HEATR4: variants seen among roughly 807,000 people sequenced by gnomAD.
HEATR4 encodes the protein HEAT repeat containing 4, also known as HEAT repeat-containing protein 4.
HEATR4 carries 95 observed loss-of-function variants against 108.8 expected under a neutral mutation model. The ratio of observed to expected loss-of-function variants is 0.87; its 90% CI spans 0.74 to 1.04. The LOEUF is 1.04. HEATR4 is among the 50% of genes least tolerant of loss of function. The pLI, the probability that HEATR4 is intolerant of heterozygous loss-of-function variation, is 0.00. For missense variants in HEATR4, 1,152 were observed against 1,253.8 expected (o/e 0.92, Z 1.23); for synonymous variants, 443 against 459.4 (o/e 0.96, Z 0.46).
At chr14:73,500,045 C>T (rs1187871298) in intron 12 of HEATR4, among the ~76,000 whole-genome samples, 17 of 152,142 alleles carry the variant, frequency 1.1e-4, no homozygotes, top group African/African-American at 3.4e-4. Flanking sequence ...CTGGCTAACA[C>T]GGTGAAACCC....
intron 6 of HEATR4, among the ~76,000 whole-genome samples, chr14:73,513,023 A>G (rs1270264479): frequency 6.6e-6 from 1 of 152,212 alleles, no homozygotes; most frequent in Non-Finnish European, 1.5e-5. Context: ...CAAAGTAGGT[A>G]TAGGATAGCC....
the HEATR4 span, among the ~76,000 whole-genome samples, chr14:73,613,432 A>G: frequency 3.3e-5 from 5 of 152,320 alleles, no homozygotes; most frequent in African/African-American, 9.6e-5. Context: ...CCTTAAGCTG[A>G]TGTGCAAGAA....
Position 73,478,515 on chromosome 14 carries a change from G to C in HEATR4, c.*91C>G, listed in dbSNP as rs559731621. On this transcript the variant is annotated 3_prime_UTR_variant, in exon 18 of 18. Coordinates refer to ENST00000553558, the MANE Select transcript of HEATR4 (RefSeq NM_001220484.1). The stretch of plus-strand genomic sequence containing the variant: ...TAAATAATTTCTCTTTATAAACATA[G>C]TGACAACAAGATTGTACAGTATCAA... 286 of 807,920 alleles carry C rather than the reference G, an allele frequency of 3.5e-4. 1 individual carries two copies. The African/African-American group carries it at 4.3e-3, about 12-fold the overall frequency. The allele number at this position is 807,920 out of a possible 1,614,324, so 50.0% of individuals were successfully genotyped here.
the HEATR4 span, among the ~76,000 whole-genome samples, chr14:73,612,200 C>G: frequency 6.6e-6 from 1 of 152,108 alleles, no homozygotes; most frequent in Admixed American, 6.6e-5. Flanking sequence ...CGCCACCACA[C>G]CTGGCTATTT....
upstream of HEATR4, among the ~76,000 whole-genome samples, chr14:73,561,637 T>C (rs1200062814): frequency 2.0e-5 from 3 of 150,428 alleles, no homozygotes; most frequent in East Asian, 3.9e-4. Context: ...CCAAGCAAGA[T>C]TGCACCACTC....
chr14:73,490,704 C>T (rs1361950523), intron 17 of HEATR4, among the ~76,000 whole-genome samples: 1 of 152,224 alleles, frequency 6.6e-6, no homozygotes, highest in African/African-American at 2.4e-5. Context: ...ATCCACACAC[C>T]TCGGCCTCCG....
At chr14:73,601,261 T>C in the HEATR4 span, among the ~76,000 whole-genome samples, 1 of 151,988 alleles carries the variant, frequency 6.6e-6, no homozygotes, top group East Asian at 2.0e-4. Flanking sequence ...AAACCAAACA[T>C]TGGTTATAAA....
chr14:73,620,589 C>T, the HEATR4 span, among the ~76,000 whole-genome samples: 4 of 151,508 alleles, frequency 2.6e-5, no homozygotes, highest in Non-Finnish European at 2.9e-5. Context: ...TTTTTTGAGA[C>T]GGAGTCTCGC....
chr14:73,581,122 T>C, the HEATR4 span: 4 of 145,976 alleles, frequency 2.7e-5, 1 homozygote, highest in African/African-American at 4.9e-5. Flanking sequence ...AACCTATCCA[T>C]CACCTCACAC....
Position 73,537,222 on chromosome 14 carries a change from G to A in HEATR4, c.-151-6978C>T. 6.6e-6 allele frequency: 3 copies of A among 457,922 alleles called. 1 individual carries two copies. The highest frequency in any genetic ancestry group is 3.5e-6 in the Non-Finnish European group (1 of 286,554). The allele number at this position is 457,922 out of a possible 1,614,324, so 28.4% of individuals were successfully genotyped here. On this transcript the variant is annotated intron_variant, in intron 1 of 17. Transcript: ENST00000553558. Reference sequence around the variant, plus strand: ...ATAAAGTGGAGGTTTCAACACAGGAGACTTTAAGCAAGTTCCAGTGTGTCT... The same window carrying A: ...ATAAAGTGGAGGTTTCAACACAGGAAACTTTAAGCAAGTTCCAGTGTGTCT...
chr14:73,589,021 C>T, the HEATR4 span, among the ~76,000 whole-genome samples: 8 of 152,068 alleles, frequency 5.3e-5, no homozygotes, highest in Admixed American at 3.9e-4. Context: ...GTTCCCTTAT[C>T]TCCACTATCA....
At chr14:73,480,757 A>C (rs965429378) in intron 17 of HEATR4, 6 of 152,102 alleles carry the variant, frequency 3.9e-5, no homozygotes, top group Non-Finnish European at 7.4e-5. Context: ...GGTGGCTCAT[A>C]CTTGTAATCT....
Position 73,502,976 on chromosome 14 carries a change from T to G in HEATR4, c.2024A>C (p.Asp675Ala). ...TGCTCTCCTCACTTCCTTATTCCAGTCATTCCACATCAGCTGGATCAACTT... is the reference window on the plus strand; with the variant it reads ...TGCTCTCCTCACTTCCTTATTCCAGGCATTCCACATCAGCTGGATCAACTT... ...KHKLIQLMWN[D>A]WNKEVRRAAA... The change falls in exon 11 of 18, where the codon GAC becomes GCC. Residue 675 changes from aspartate (D) to alanine (A), a missense_variant. By Grantham distance (126) the Asp-to-Ala change is moderately radical. Coordinates refer to ENST00000553558, the MANE Select transcript of HEATR4 (RefSeq NM_001220484.1). The G allele has an allele frequency of 6.2e-7, 1 of 1,614,032 alleles. No homozygotes were observed. Among genetic ancestry groups the G allele is most frequent in the Non-Finnish European group, 8.5e-7 (1 of 1,179,970 alleles).
At chr14:73,592,020 A>G in the HEATR4 span, 5 of 1,442,086 alleles carry the variant, frequency 3.5e-6, no homozygotes, top group Non-Finnish European at 3.6e-6. Context: ...GCCGGTGCGC[A>G]TTGCCGTGCG....
the HEATR4 span, among the ~76,000 whole-genome samples, chr14:73,584,112 T>C: frequency 1.3e-5 from 2 of 151,828 alleles, no homozygotes; most frequent in Non-Finnish European, 2.9e-5. Flanking sequence ...ACACTGTGCA[T>C]GCTCACTTCC....
chr14:73,591,064 G>T, the HEATR4 span, among the ~76,000 whole-genome samples: 1 of 152,286 alleles, frequency 6.6e-6, no homozygotes, highest in African/African-American at 2.4e-5. Flanking sequence ...GAAACAGGGT[G>T]ACACCTCCTC....
At position 73,522,823 on chromosome 14, in the gene HEATR4, C is replaced by T. The variant is rs912196136; in HGVS notation, c.330G>A (p.Lys110=). Reference sequence around the variant, plus strand: ...AGCTAACAGGTTTCTGAGGCCGGGCCTTCCTGATCTGGGGAGTATGGATGA... The same window carrying T: ...AGCTAACAGGTTTCTGAGGCCGGGCTTTCCTGATCTGGGGAGTATGGATGA... ...NDIIHTPQIR[K]ARPQKPVSFK... The change falls in exon 3 of 18, where the codon AAG becomes AAA. Residue 110 remains lysine (K), a synonymous_variant. Coordinates refer to ENST00000553558, the MANE Select transcript of HEATR4 (RefSeq NM_001220484.1). 10 of 1,614,074 alleles carry T rather than the reference C, an allele frequency of 6.2e-6. No homozygotes were observed. Among genetic ancestry groups the T allele is most frequent in the Non-Finnish European group, 8.5e-6 (10 of 1,180,048 alleles).
chr14:73,610,457 ATTT>A, the HEATR4 span, among the ~76,000 whole-genome samples: 3 of 151,810 alleles, frequency 2.0e-5, no homozygotes, highest in African/African-American at 4.8e-5. Flanking sequence ...CGTTCAGCTA[ATTT>A]TTGTATTTTT....
chr14:73,600,640 A>AG, the HEATR4 span, among the ~76,000 whole-genome samples: 15 of 151,776 alleles, frequency 9.9e-5, no homozygotes, highest in Non-Finnish European at 2.2e-4. Flanking sequence ...TAGTAGAGAC[A>AG]GGGTTTCACC....
Sources: gnomAD v4.1 joint callset for allele counts (sites outside exome capture counted in the v4.1 genomes callset) on GRCh38, gnomAD v4.1.1 for gene constraint, MANE v1.5 for transcripts, NCBI Gene and HGNC (gene_info 2026-07-23, HGNC 2026-07-21) for gene names.